The following GCNT2 variants were observed in gnomAD, a reference collection of about 807,000 sequenced individuals.
The protein encoded by GCNT2 is N-acetyllactosaminide beta-1,6-N-acetylglucosaminyl-transferase.
GCNT2 carries 34 observed loss-of-function variants against 34.2 expected under a neutral mutation model. That is an observed-to-expected ratio of 1.00 (90% CI 0.76 to 1.32). The LOEUF (loss-of-function observed/expected upper bound fraction) is 1.32. Among genes scored for constraint, GCNT2 ranks in the 40% most tolerant of loss-of-function variants. The probability of loss-of-function intolerance (pLI) is 0.00; values close to 1 mark genes in which losing one functional copy is unlikely to be tolerated. For missense variants in GCNT2, 584 were observed against 489.4 expected, an observed-to-expected ratio of 1.19 and a Z score of -1.82; for synonymous variants, 212 against 188.0, an observed-to-expected ratio of 1.13 and a Z score of -1.04.
intron 3 of GCNT2, among the ~76,000 whole-genome samples, chr6:10,580,799 T>C (rs991830852): frequency 2.0e-5 from 3 of 152,134 alleles, no homozygotes; most frequent in South Asian, 2.1e-4. Context: ...AACTAACTCA[T>C]TGTGAGGGAA....
chr6:10,535,160 G>T (rs558172129), intron 3 of GCNT2, among the ~76,000 whole-genome samples: 1 of 152,196 alleles, frequency 6.6e-6, no homozygotes, highest in South Asian at 2.1e-4. Context: ...CTTCAGCCTG[G>T]GTGACAGAGC....
chr6:10,628,294 C>T lies in GCNT2; in HGVS notation c.*1687C>T, dbSNP rs962507268. 3.3e-5 allele frequency: 5 copies of T among 152,536 alleles called. No homozygotes were observed. Among genetic ancestry groups the T allele is most frequent in the Admixed American group, 3.3e-4 (5 of 15,270 alleles). The allele number at this position is 152,536 out of a possible 1,614,324, so 9.4% of individuals were successfully genotyped here. Reference sequence around the variant, plus strand: ...AATATTTATTTATTCTAACAAAAAGCAATTACTACAAATGGATGACACATT... The same window carrying T: ...AATATTTATTTATTCTAACAAAAAGTAATTACTACAAATGGATGACACATT... On this transcript the variant is annotated 3_prime_UTR_variant, in exon 5 of 5. Transcript: ENST00000495262.
intron 3 of GCNT2, among the ~76,000 whole-genome samples, chr6:10,582,511 ATATAT>A (rs529375788): frequency 0.023 from 2,923 of 128,328 alleles, 134 homozygotes; most frequent in African/African-American, 0.085. Context: ...ATAATACATC[ATATAT>A]TATATTATAC....
chr6:10,594,852 C>CT lies in GCNT2; in HGVS notation c.926-26489dup, dbSNP rs34521720. Among the ~76,000 whole-genome samples the CT allele has an allele frequency of 3.0e-3, 447 of 148,138 alleles. 1 individual carries two copies. Among genetic ancestry groups the CT allele is most frequent in the African/African-American group, 7.1e-3 (286 of 40,332 alleles). The stretch of plus-strand genomic sequence containing the variant: ...GACATGTTCAGGTGGATACCAGTTC[C>CT]TTTTTTTTTTGAGATAAGGTCCCTG... On this transcript the variant is annotated intron_variant, in intron 3 of 4. Transcript: ENST00000495262.
chr6:10,531,921 A>T (rs1761511383), intron 3 of GCNT2, among the ~76,000 whole-genome samples: 1 of 149,582 alleles, frequency 6.7e-6, no homozygotes, highest in African/African-American at 2.5e-5. Flanking sequence ...AAGAAAAAGG[A>T]TAATTGATTT....
chr6:10,536,363 CT>C (rs533801258), intron 3 of GCNT2, among the ~76,000 whole-genome samples: 138 of 145,228 alleles, frequency 9.5e-4, no homozygotes, highest in Admixed American at 1.0e-3. Flanking sequence ...TCAACTTCTT[CT>C]TTTTTTTTTT....
intron 3 of GCNT2, among the ~76,000 whole-genome samples, chr6:10,561,779 A>G (rs1214748590): frequency 7.1e-6 from 1 of 139,904 alleles, no homozygotes; most frequent in Admixed American, 7.0e-5. Flanking sequence ...GAATGTTTTC[A>G]TTTATTTCGT....
At chr6:10,617,747 C>CTT (rs1407402607) in intron 3 of GCNT2, among the ~76,000 whole-genome samples, 1 of 114,296 alleles carries the variant, frequency 8.7e-6, no homozygotes, top group Non-Finnish European at 1.7e-5. Context: ...GTCTGCATTT[C>CTT]TTCTTTTTTT....
intron 4 of GCNT2, among the ~76,000 whole-genome samples, chr6:10,625,293 T>C (rs1026787323): frequency 6.6e-6 from 1 of 152,194 alleles, no homozygotes; most frequent in African/African-American, 2.4e-5. Context: ...AAAATGAGTT[T>C]CATCACTTGA....
At chr6:10,609,285 T>A (rs1765453400) in intron 3 of GCNT2, among the ~76,000 whole-genome samples, 1 of 152,274 alleles carries the variant, frequency 6.6e-6, no homozygotes, top group South Asian at 2.1e-4. Context: ...TCATGCTGCA[T>A]CATCTCATGG....
rs541295127 is a variant in GCNT2 at position 10,594,076 on chromosome 6, G to A, written c.926-27275G>A. Among the ~76,000 whole-genome samples the A allele has an allele frequency of 3.3e-5, 5 of 152,346 alleles. 1 individual carries two copies. The East Asian group carries it at 9.6e-4, about 29-fold the overall frequency. On this transcript the variant is annotated intron_variant, in intron 3 of 4. Coordinates refer to ENST00000495262, the MANE Select transcript of GCNT2 (RefSeq NM_145649.5). Reference sequence around the variant, plus strand: ...TATAGTACAGGGGTTCCTAGACTTGGCCATGCCTCAGAACCTTCTGCAGGT... The same window carrying A: ...TATAGTACAGGGGTTCCTAGACTTGACCATGCCTCAGAACCTTCTGCAGGT...
In GCNT2 at chr6:10,529,469, T is replaced by C. The variant is rs754060575; in HGVS notation, c.558T>C (p.Tyr186=). The C allele has an allele frequency of 6.8e-6, 11 of 1,614,090 alleles. No homozygotes were observed. The highest frequency in any genetic ancestry group is 8.5e-6 in the Non-Finnish European group (10 of 1,179,998). ...TGGCCTCTGAAGTTCCCTGGAAGTA[T>C]GTCATCAACACCTGCGGGCAAGACT... The part of the protein sequence containing the change: ...DLVASEVPWK[Y]VINTCGQDFP... Residue 186 remains tyrosine, a synonymous_variant, in exon 3 of 5, where the codon TAT becomes TAC. Transcript: ENST00000495262.
intron 3 of GCNT2, among the ~76,000 whole-genome samples, chr6:10,594,970 C>G (rs151129048): frequency 9.3e-4 from 142 of 152,078 alleles, no homozygotes; most frequent in African/African-American, 3.2e-3. Context: ...CTCAGCCTCC[C>G]CAGTAGCTAG....
chr6:10,626,069 G>A lies in GCNT2; in HGVS notation c.1019-348G>A, dbSNP rs182818766. On this transcript the variant is annotated intron_variant, in intron 4 of 4. Transcript: ENST00000495262. ...GAAAGCAAAACTGCAGATAAGGGGG[G>A]ATTACTGTACATGAATGACCTTGTA... Among the ~76,000 whole-genome samples the A allele has an allele frequency of 1.1e-4, 17 of 152,204 alleles. No individual in the cohort carries two copies. In the East Asian group the frequency reaches 2.7e-3, roughly 24 times the overall value.
Position 10,528,813 on chromosome 6 carries a change from C to A in GCNT2, c.-99C>A. The A allele has an allele frequency of 1.1e-6, 1 of 947,624 alleles. No individual in the cohort carries two copies. The highest frequency in any genetic ancestry group is 1.3e-5 in the South Asian group (1 of 76,588). 58.7% of individuals were successfully genotyped at this position (947,624 alleles called of 1,614,324 possible). On this transcript the variant is annotated 5_prime_UTR_variant, in exon 3 of 5. Transcript: ENST00000495262. ...AGCCAGACGAGAGCTTCAGCCATCA[C>A]GAGGATGATTTCGGAACCTGGAGAA...
intron 3 of GCNT2, among the ~76,000 whole-genome samples, chr6:10,569,084 G>A (rs1304586441): frequency 1.3e-5 from 2 of 151,986 alleles, no homozygotes; most frequent in Non-Finnish European, 2.9e-5. Context: ...TGGCAGTCCA[G>A]CATAGTGAGC....
intron 3 of GCNT2, among the ~76,000 whole-genome samples, chr6:10,591,006 C>T (rs368524380): frequency 3.3e-5 from 5 of 152,254 alleles, no homozygotes; most frequent in African/African-American, 1.2e-4. Flanking sequence ...GTCACTTCCT[C>T]TGGATGCCAT....
intron 3 of GCNT2, among the ~76,000 whole-genome samples, chr6:10,559,860 A>T (rs1202387637): frequency 6.6e-6 from 1 of 152,210 alleles, no homozygotes; most frequent in East Asian, 1.9e-4. Context: ...TCAGGGAGAA[A>T]GGATATCCTG....
chr6:10,585,524 G>A (rs546566779), intron 3 of GCNT2, among the ~76,000 whole-genome samples: 9 of 152,308 alleles, frequency 5.9e-5, no homozygotes, highest in Non-Finnish European at 1.2e-4. Flanking sequence ...CAGAGCCTCT[G>A]ATTCTAGAAG....
Sources: allele counts gnomAD v4.1 joint callset (sites outside exome capture counted in the v4.1 genomes callset), GRCh38; gene constraint gnomAD v4.1.1; transcripts MANE v1.5; gene names NCBI Gene and HGNC (gene_info 2026-07-23, HGNC 2026-07-21).